Variants in FOXP2 observed in about 807,000 individuals in gnomAD.
FOXP2 encodes forkhead box protein P2.
In FOXP2, 12 loss-of-function variants were observed where a neutral mutation model predicts 115.8. The observed-to-expected ratio is 0.10, with a 90% CI of 0.07 to 0.17. FOXP2 has a LOEUF of 0.17. Ranked by LOEUF, FOXP2 falls within the 10% of genes least tolerant of loss-of-function variation. The pLI is 1.00. For missense variants in FOXP2, 629 were observed against 843.5 expected (o/e 0.75, Z 3.15); for synonymous variants, 328 against 297.7 (o/e 1.10, Z -1.05).
At chr7:114,349,090 C>T (rs1791416540) in intron 2 of FOXP2, among the ~76,000 whole-genome samples, 1 of 152,040 alleles carries the variant, frequency 6.6e-6, no homozygotes, top group African/African-American at 2.4e-5. Context: ...CAGTTTCAGA[C>T]ATTGTTCCTG....
intron 3 of FOXP2, among the ~76,000 whole-genome samples, chr7:114,598,446 A>T (rs1424536176): frequency 1.3e-5 from 2 of 152,104 alleles, no homozygotes; most frequent in Non-Finnish European, 2.9e-5. Context: ...ATGTTCTGAT[A>T]ATTTTGCTCA....
chr7:114,305,997 A>G lies in FOXP2; in HGVS notation c.-11+17888A>G, dbSNP rs909816064. ...AAAGCAACTGGGCTTTTTCTTTTTT[A>G]TACTTTAGCCAAACTAATGTTAATC... On this transcript the variant is annotated intron_variant, in intron 2 of 17. Transcript: ENST00000634411. 3.3e-5 allele frequency among the ~76,000 whole-genome samples: 5 copies of G among 151,636 alleles called. No individual in the cohort carries two copies. In the South Asian group the frequency reaches 1.0e-3, roughly 32 times the overall value.
At chr7:114,094,430 G>A (rs1465527463) in intron 1 of FOXP2, among the ~76,000 whole-genome samples, 3 of 152,060 alleles carry the variant, frequency 2.0e-5, no homozygotes, top group African/African-American at 7.2e-5. Context: ...TATTCTAAAC[G>A]TCTTGAGAAT....
chr7:114,281,788 A>G (rs1417022705), intron 1 of FOXP2, among the ~76,000 whole-genome samples: 1 of 152,098 alleles, frequency 6.6e-6, no homozygotes, highest in African/African-American at 2.4e-5. Flanking sequence ...AGCAGGGTTA[A>G]TTTTCATTGT....
chr7:114,648,241 A>G (rs1296381688), intron 8 of FOXP2, among the ~76,000 whole-genome samples: 1 of 152,042 alleles, frequency 6.6e-6, no homozygotes, highest in East Asian at 1.9e-4. Flanking sequence ...TGAACTTGTC[A>G]GAATGTTGTT....
intron 2 of FOXP2, among the ~76,000 whole-genome samples, chr7:114,458,337 T>C (rs1795409768): frequency 6.6e-6 from 1 of 152,008 alleles, no homozygotes; most frequent in South Asian, 2.1e-4. Context: ...TGCATAATCT[T>C]GTGTATTCCC....
At chr7:114,333,232 G>C (rs867154546) in intron 2 of FOXP2, among the ~76,000 whole-genome samples, 20 of 152,288 alleles carry the variant, frequency 1.3e-4, no homozygotes, top group South Asian at 1.0e-3. Flanking sequence ...CCCTGGAAGA[G>C]AAAAGATTAT....
chr7:114,229,205 A>G (rs1226588778), intron 1 of FOXP2, among the ~76,000 whole-genome samples: 4 of 150,776 alleles, frequency 2.7e-5, no homozygotes, highest in Non-Finnish European at 5.9e-5. Context: ...TATAACTATT[A>G]TAAATATATA....
At chr7:114,196,065 T>A (rs1374060293) in intron 1 of FOXP2, among the ~76,000 whole-genome samples, 2 of 152,198 alleles carry the variant, frequency 1.3e-5, no homozygotes, top group African/African-American at 4.8e-5. Context: ...CAGGCTGAAA[T>A]GTGATGGCGT....
At chr7:114,415,417 T>C (rs900244787) in intron 1 of FOXP2, 57 bp downstream of exon 1, 10 of 385,710 alleles carry the variant, frequency 2.6e-5, no homozygotes, top group Non-Finnish European at 4.5e-5. Context: ...GGTGGGATTT[T>C]ACGATTGCTT....
Position 114,481,800 on chromosome 7 carries a change from CTATCTATCTATA to C in FOXP2, c.169-52805_169-52794del, listed in dbSNP as rs1234590261. Among the ~76,000 whole-genome samples the C allele has an allele frequency of 4.8e-3, 727 of 150,154 alleles. 4 individuals are homozygous for C. Among genetic ancestry groups the C allele is most frequent in the African/African-American group, 0.017 (674 of 40,586 alleles). ...TCTATCTATCTATCTATCTATCTATCTATCTATCTATATATCTATCTATCTAATCTATAATGG... is the reference window on the plus strand; with the variant it reads ...TCTATCTATCTATCTATCTATCTATCTATCTATCTATCTAATCTATAATGG... On this transcript the variant is annotated intron_variant, in intron 2 of 16. Transcript: ENST00000350908.
chr7:114,365,266 T>C (rs1791849994), intron 2 of FOXP2, among the ~76,000 whole-genome samples: 1 of 152,130 alleles, frequency 6.6e-6, no homozygotes, highest in Admixed American at 6.6e-5. Context: ...TTCTATTTTT[T>C]TAAATGCTGA....
chr7:114,116,819 C>T (rs116884246), intron 1 of FOXP2, among the ~76,000 whole-genome samples: 1,529 of 152,156 alleles, frequency 0.01, 16 homozygotes, highest in Middle Eastern at 0.02. Context: ...ACCATCCCCT[C>T]CTGAAGCCCT....
At chr7:114,480,192 C>CAT (rs1796462642) in intron 2 of FOXP2, among the ~76,000 whole-genome samples, 3 of 151,472 alleles carry the variant, frequency 2.0e-5, no homozygotes, top group Admixed American at 1.3e-4. Context: ...TTATCATTGC[C>CAT]TGCCTCAAAC....
At chr7:114,205,785 G>C (rs1039819615) in intron 1 of FOXP2, among the ~76,000 whole-genome samples, 2 of 152,114 alleles carry the variant, frequency 1.3e-5, no homozygotes, top group African/African-American at 4.8e-5. Flanking sequence ...CCTTATTCAT[G>C]CAAGAGTTCA....
At chr7:114,615,146 G>A (rs1188995700) in intron 3 of FOXP2, among the ~76,000 whole-genome samples, 2 of 152,128 alleles carry the variant, frequency 1.3e-5, no homozygotes, top group African/African-American at 2.4e-5. Flanking sequence ...TTCAACCTGG[G>A]AGGCGGAGGT....
intron 3 of FOXP2, among the ~76,000 whole-genome samples, chr7:114,552,093 C>T (rs945637388): frequency 2.0e-5 from 3 of 152,130 alleles, no homozygotes; most frequent in East Asian, 1.9e-4. Context: ...AGAATTTGTG[C>T]GTACATTCAT....
chr7:114,538,464 T>C, intron 3 of FOXP2: 1 of 754,836 alleles, frequency 1.3e-6, no homozygotes, highest in Non-Finnish European at 1.9e-6. Flanking sequence ...GGTTAATATA[T>C]AATATAAAGT....
intron 1 of FOXP2, among the ~76,000 whole-genome samples, chr7:114,124,692 A>G (rs551336780): frequency 6.6e-6 from 1 of 152,160 alleles, no homozygotes; most frequent in East Asian, 1.9e-4. Context: ...TAAATAGTAT[A>G]CATTTTCTTC....
Sources: allele counts gnomAD v4.1 joint callset (sites outside exome capture counted in the v4.1 genomes callset), GRCh38; gene constraint gnomAD v4.1.1; transcripts MANE v1.5; gene names NCBI Gene and HGNC (gene_info 2026-07-23, HGNC 2026-07-21).